C6orf62: variants seen among roughly 807,000 people sequenced by gnomAD.
C6orf62 encodes the protein chromosome 6 open reading frame 62.
C6orf62 carries 16 observed loss-of-function variants against 26.8 expected under a neutral mutation model. That is an observed-to-expected ratio of 0.60 (90% CI 0.40 to 0.91). C6orf62 has a LOEUF of 0.91. Among genes scored for constraint, C6orf62 ranks in the 40% least tolerant of loss-of-function variants. The pLI is 0.00. For synonymous variants in C6orf62, 112 were observed against 91.5 expected, an observed-to-expected ratio of 1.22 and a Z score of -1.28; for missense variants, 192 against 271.4, an observed-to-expected ratio of 0.71 and a Z score of 2.06.
chr6:24,717,441 T>C (rs1779256355), intron 1 of C6orf62, among the ~76,000 whole-genome samples: 1 of 152,220 alleles, frequency 6.6e-6, no homozygotes, highest in South Asian at 2.1e-4. Flanking sequence ...TAAAAATCAC[T>C]TCACAATGCT....
chr6:24,717,716 G>A (rs1024561068), intron 1 of C6orf62, among the ~76,000 whole-genome samples: 1 of 152,220 alleles, frequency 6.6e-6, no homozygotes, highest in African/African-American at 2.4e-5. Flanking sequence ...TTGTATTTCT[G>A]ATCTGAAATT....
At chr6:24,706,436 A>C (rs1459494910) in intron 4 of C6orf62, among the ~76,000 whole-genome samples, 174 bp from the exon 5 acceptor site, 1 of 152,234 alleles carries the variant, frequency 6.6e-6, no homozygotes, top group East Asian at 1.9e-4. Context: ...ATAAAGGAAA[A>C]ATTTATGCAG....
intron 2 of C6orf62, among the ~76,000 whole-genome samples, 177 bp from the exon 3 acceptor site, chr6:24,714,617 G>A (rs1363019557): frequency 6.6e-6 from 1 of 152,004 alleles, no homozygotes; most frequent in African/African-American, 2.4e-5. Context: ...AGCTCATGAT[G>A]TAATTTTTTA....
At chr6:24,709,726 G>A (rs1327641712) in intron 3 of C6orf62, 3 of 985,438 alleles carry the variant, frequency 3.0e-6, no homozygotes, top group Non-Finnish European at 3.6e-6. Flanking sequence ...CTTTTAACAT[G>A]AGGAAGATCA....
chr6:24,717,810 A>G (rs1334667672), intron 1 of C6orf62, among the ~76,000 whole-genome samples: 1 of 152,248 alleles, frequency 6.6e-6, no homozygotes, highest in Non-Finnish European at 1.5e-5. Context: ...CTTGCTGATA[A>G]TTTAAGAAAA....
chr6:24,713,912 A>C (rs1363879619), intron 3 of C6orf62, among the ~76,000 whole-genome samples: 3 of 152,248 alleles, frequency 2.0e-5, no homozygotes, highest in Non-Finnish European at 2.9e-5. Flanking sequence ...TTTTATATAC[A>C]GATCAACTTC....
At chr6:24,710,211 C>A (rs1581395009) in intron 3 of C6orf62, 3 of 985,222 alleles carry the variant, frequency 3.0e-6, no homozygotes, top group Non-Finnish European at 3.6e-6. Context: ...AATATAAAAC[C>A]CAACTTGCTT....
intron 3 of C6orf62, among the ~76,000 whole-genome samples, chr6:24,713,360 A>C (rs1779158751): frequency 6.6e-6 from 1 of 152,244 alleles, no homozygotes; most frequent in Admixed American, 6.5e-5. Flanking sequence ...ATTAAAAATG[A>C]TAATTATTAG....
At chr6:24,719,695 GC>G, upstream of C6orf62, 2 of 1,485,356 alleles carry the variant, frequency 1.3e-6, no homozygotes, top group Non-Finnish European at 9.0e-7. Flanking sequence ...CTGTGGATCT[GC>G]CCCCGTTCAA....
At chr6:24,719,947 G>A (rs933427834), upstream of C6orf62, 30 of 1,550,116 alleles carry the variant, frequency 1.9e-5, no homozygotes, top group East Asian at 2.4e-4. Context: ...GGCGGGAGAG[G>A]GTAAATGGGA....
At chr6:24,719,820 G>GGGCCCCC, upstream of C6orf62, 1 of 1,546,520 alleles carries the variant, frequency 6.5e-7, no homozygotes, top group East Asian at 2.5e-5. Flanking sequence ...ACCCCCGCAG[G>GGGCCCCC]TCCCACCCCC....
upstream of C6orf62, chr6:24,720,327 C>T: frequency 7.8e-7 from 1 of 1,278,450 alleles, no homozygotes; most frequent in African/African-American, 1.6e-5. Context: ...CGGGCAGGAG[C>T]CATGTCAAGA....
chr6:24,707,846 C>CAA lies in C6orf62; in HGVS notation c.564+929_564+930dup, dbSNP rs577537825. Among the ~76,000 whole-genome samples the CAA allele has an allele frequency of 2.4e-5, 3 of 124,718 alleles. No homozygotes were observed. In the South Asian group the frequency reaches 7.6e-4, roughly 31 times the overall value. The allele number at this position is 124,718 out of a possible 152,430, so 81.8% of individuals were successfully genotyped here. The stretch of plus-strand genomic sequence containing the variant: ...GTGAAACCCTGTCTCTACTAAAATA[C>CAA]AAAAAAAAAAAAAAATTAGCTGGGC... On this transcript the variant is annotated intron_variant, in intron 4 of 4. Coordinates refer to ENST00000378119, the MANE Select transcript of C6orf62 (RefSeq NM_030939.5).
At chr6:24,711,655 A>G (rs1779124492) in intron 3 of C6orf62, among the ~76,000 whole-genome samples, 1 of 152,038 alleles carries the variant, frequency 6.6e-6, no homozygotes, top group African/African-American at 2.4e-5. Flanking sequence ...AATTTTAAAA[A>G]TAAGTAAAGT....
chr6:24,719,043 T>C lies in C6orf62; in HGVS notation c.-375A>G. On this transcript the variant is annotated 5_prime_UTR_variant, in exon 1 of 5. Transcript: ENST00000378119. ...AAAGCCTATAATCAGGATTTAGGTG[T>C]GCAATAAAACACAGCTGACACCAGA... 1.9e-6 allele frequency: 2 copies of C among 1,060,918 alleles called. No homozygotes were observed. Among genetic ancestry groups the C allele is most frequent in the Non-Finnish European group, 2.3e-6 (2 of 877,082 alleles). 65.7% of individuals were successfully genotyped at this position (1,060,918 alleles called of 1,614,324 possible). A position where few individuals can be genotyped will look rare whatever the true frequency, so the allele number is the denominator to read the frequency against.
chr6:24,720,139 G>A, upstream of C6orf62: 2 of 1,385,796 alleles, frequency 1.4e-6, no homozygotes, highest in South Asian at 3.3e-5. Context: ...GGGGCAGGGG[G>A]TGGAATTGAG....
Position 24,718,700 on chromosome 6 carries a change from A to G in C6orf62, c.-32T>C, listed in dbSNP as rs745966855. ...ATACAGGTGGTACTAAAGCCTTTGG[A>G]AATTGTCACTAAACTATGGGCACTT... On this transcript the variant is annotated 5_prime_UTR_variant, in exon 1 of 5. Coordinates refer to ENST00000378119, the MANE Select transcript of C6orf62 (RefSeq NM_030939.5). 1.9e-6 allele frequency: 3 copies of G among 1,608,956 alleles called. No individual in the cohort carries two copies. In the South Asian group the frequency reaches 3.4e-5, roughly 18 times the overall value.
upstream of C6orf62, chr6:24,720,686 C>G (rs1284206041): frequency 6.6e-6 from 1 of 152,666 alleles, no homozygotes; most frequent in Non-Finnish European, 1.5e-5. Context: ...GATTCCGGCT[C>G]TCAGGAAAGG....
At chr6:24,709,424 AAATAAATCTGTTTATTCTAACCCT>A (rs1389777399) in intron 3 of C6orf62, 2 of 984,710 alleles carry the variant, frequency 2.0e-6, no homozygotes, top group Non-Finnish European at 2.4e-6. Flanking sequence ...GAAAAAAAAA[AAATAAATCTGTTTATTCTAACCCT>A]AGCTGCACAA....
Sources: allele counts gnomAD v4.1 joint callset (sites outside exome capture counted in the v4.1 genomes callset), GRCh38; gene constraint gnomAD v4.1.1; transcripts MANE v1.5; gene names NCBI Gene and HGNC (gene_info 2026-07-23, HGNC 2026-07-21).